The following DOCK8 variants were observed in gnomAD, a reference collection of about 807,000 sequenced individuals.
DOCK8 encodes the protein dedicator of cytokinesis protein 8.
Under a neutral mutation model 245.6 loss-of-function variants are expected in DOCK8, and 141 were observed. That is an observed-to-expected ratio of 0.57 (90% CI 0.50 to 0.66). The LOEUF (loss-of-function observed/expected upper bound fraction) is 0.66, where lower values mean the gene tolerates loss of function less well. Among genes scored for constraint, DOCK8 ranks in the 30% least tolerant of loss-of-function variants. The probability of loss-of-function intolerance (pLI) is 0.00; values close to 1 mark genes in which losing one functional copy is unlikely to be tolerated. For synonymous variants in DOCK8, 1,168 were observed against 970.2 expected, an observed-to-expected ratio of 1.20 and a Z score of -3.79; for missense variants, 2,965 against 2,603.4, an observed-to-expected ratio of 1.14 and a Z score of -3.02.
intron 1 of DOCK8, among the ~76,000 whole-genome samples, chr9:265,283 G>T (rs2048011533): frequency 6.6e-6 from 1 of 152,134 alleles, no homozygotes; most frequent in Admixed American, 6.6e-5. Flanking sequence ...TGTAACTTAG[G>T]AAGTTTGGGG....
chr9:404,829 G>A, intron 26 of DOCK8, 89 bp from the exon 27 acceptor site: 2 of 1,415,908 alleles, frequency 1.4e-6, no homozygotes, highest in Non-Finnish European at 2.0e-6. Context: ...GCCTTAACCT[G>A]GAGAGAAAGG....
chr9:457,174 G>C (rs1164604447), intron 46 of DOCK8: 1 of 152,238 alleles, frequency 6.6e-6, no homozygotes, highest in Non-Finnish European at 1.5e-5. Flanking sequence ...CTTATAGCTG[G>C]AAATGGGGAA....
chr9:378,722 G>C (rs1437017798), intron 20 of DOCK8, among the ~76,000 whole-genome samples: 2 of 152,232 alleles, frequency 1.3e-5, no homozygotes, highest in Admixed American at 1.3e-4. Flanking sequence ...TTGCCACCTT[G>C]TGGTGTGAGG....
At chr9:263,378 T>C (rs1217780817) in intron 1 of DOCK8, among the ~76,000 whole-genome samples, 1 of 152,208 alleles carries the variant, frequency 6.6e-6, no homozygotes, top group Non-Finnish European at 1.5e-5. Flanking sequence ...TCCCAGATGA[T>C]ATAATATGGG....
chr9:333,380 T>C (rs1178040992), intron 10 of DOCK8, among the ~76,000 whole-genome samples: 1 of 152,186 alleles, frequency 6.6e-6, no homozygotes, highest in Non-Finnish European at 1.5e-5. Context: ...GGCGGGCAGA[T>C]CATGAGGTCA....
chr9:348,142 T>C (rs1336202426), intron 14 of DOCK8, among the ~76,000 whole-genome samples: 1 of 152,152 alleles, frequency 6.6e-6, no homozygotes, highest in Non-Finnish European at 1.5e-5. Context: ...CATCTGGCAT[T>C]TTTTTGGAAG....
chr9:398,364 C>G (rs932919765), intron 25 of DOCK8, among the ~76,000 whole-genome samples: 3 of 152,128 alleles, frequency 2.0e-5, no homozygotes, highest in Non-Finnish European at 4.4e-5. Context: ...GTCAGCATGG[C>G]CTGAATTTGC....
At position 442,022 on chromosome 9, in the gene DOCK8, A is replaced by T. The variant is rs1564073868; in HGVS notation, c.5490+13A>T. ...ACATAGACTAGAGGTAAGAAAAGTG[A>T]TTCTGTGCGCCTGACCTGGTACACT... On this transcript the variant is annotated intron_variant, in intron 42 of 47. Coordinates refer to ENST00000432829, the MANE Select transcript of DOCK8 (RefSeq NM_203447.4). 2.5e-6 allele frequency: 4 copies of T among 1,613,832 alleles called. No homozygotes were observed. The East Asian group carries it at 6.7e-5, about 27-fold the overall frequency.
intron 1 of DOCK8, among the ~76,000 whole-genome samples, chr9:248,198 C>T (rs1193559912): frequency 6.6e-6 from 1 of 152,208 alleles, no homozygotes; most frequent in African/African-American, 2.4e-5. Flanking sequence ...GGGCTTTGCC[C>T]CTCAAGCACC....
chr9:452,890 T>C (rs1332382330), intron 46 of DOCK8: 1 of 152,214 alleles, frequency 6.6e-6, no homozygotes, highest in African/African-American at 2.4e-5. Flanking sequence ...TACAGACAGA[T>C]ATATTGGGTC....
At position 426,879 on chromosome 9, in the gene DOCK8, T is replaced by C. The variant is rs2056522015; in HGVS notation, c.4242-6T>C. ...CGCTTTAATTTGACCTCTTGTTGTT[T>C]CCTAGAACAAAGGCCGAGTTAGATC... On this transcript the variant is annotated splice_polypyrimidine_tract_variant and splice_region_variant and intron_variant, in intron 33 of 47. Coordinates refer to ENST00000432829, the MANE Select transcript of DOCK8 (RefSeq NM_203447.4). The C allele has an allele frequency of 1.9e-6, 3 of 1,613,916 alleles. No homozygotes were observed. The highest frequency in any genetic ancestry group is 2.5e-6 in the Non-Finnish European group (3 of 1,179,878).
At chr9:360,941 C>A (rs985109714) in intron 14 of DOCK8, among the ~76,000 whole-genome samples, 3 of 152,166 alleles carry the variant, frequency 2.0e-5, no homozygotes, top group Admixed American at 1.3e-4. Flanking sequence ...ATGAGGACCA[C>A]TTGAGCCCAG....
At chr9:422,213 A>C in intron 33 of DOCK8, 78 bp downstream of exon 33, 1 of 1,151,768 alleles carries the variant, frequency 8.7e-7, no homozygotes, top group Non-Finnish European at 1.3e-6. Flanking sequence ...TATTACTGAA[A>C]CAACTGCATC....
rs189408875 is a variant in DOCK8, at chr9:408,086, A to G, written c.3530+1017A>G. On this transcript the variant is annotated intron_variant, in intron 28 of 47. Transcript: ENST00000432829. Reference sequence around the variant, plus strand: ...CAGGGAACCTGTTCCCATGACTCCTATGCTAAAGAGGTTTCCAGAATAATG... The same window carrying G: ...CAGGGAACCTGTTCCCATGACTCCTGTGCTAAAGAGGTTTCCAGAATAATG... 1.0e-3 allele frequency among the ~76,000 whole-genome samples: 158 copies of G among 152,330 alleles called. 1 individual carries two copies. Among genetic ancestry groups the G allele is most frequent in the African/African-American group, 3.5e-3 (144 of 41,574 alleles).
intron 28 of DOCK8, among the ~76,000 whole-genome samples, chr9:410,928 A>C (rs1447460558): frequency 2.0e-5 from 3 of 152,236 alleles, no homozygotes; most frequent in Non-Finnish European, 2.9e-5. Flanking sequence ...AAAAAGGATT[A>C]TAAAAGAATA....
At chr9:270,315 C>G (rs1010839960) in intron 1 of DOCK8, among the ~76,000 whole-genome samples, 3 of 152,236 alleles carry the variant, frequency 2.0e-5, no homozygotes, top group Non-Finnish European at 4.4e-5. Context: ...CAGTCTTATT[C>G]TTCCAATCTT....
intron 1 of DOCK8, among the ~76,000 whole-genome samples, chr9:247,275 C>T (rs2047527533): frequency 6.6e-6 from 1 of 152,060 alleles, no homozygotes. Flanking sequence ...GCTTTAAAGT[C>T]AATTGGGGAA....
In DOCK8 at chr9:216,537, C is replaced by CAAAAAAAAAAAAAAAAAAAAAA. The variant is rs59529982; in HGVS notation, c.53+1526_53+1527insAAAAAAAAAAAAAAAAAAAAAA. ...GTGAAACCTTGTCTCAAAAAACAGA[C>CAAAAAAAAAAAAAAAAAAAAAA]AAAAAAAAAAAAAAAAAAGCAAAAA... On this transcript the variant is annotated intron_variant, in intron 1 of 47. Coordinates refer to ENST00000432829, the MANE Select transcript of DOCK8 (RefSeq NM_203447.4). Among the ~76,000 whole-genome samples, 98 of 88,870 alleles carry CAAAAAAAAAAAAAAAAAAAAAA rather than the reference C, an allele frequency of 1.1e-3. 1 individual carries two copies. The highest frequency in any genetic ancestry group is 6.3e-3 in the Middle Eastern group (1 of 158). The allele number at this position is 88,870 out of a possible 152,430, so 58.3% of individuals were successfully genotyped here. A position where few individuals can be genotyped will look rare whatever the true frequency, so the allele number is the denominator to read the frequency against.
At chr9:392,877 C>T (rs550953795) in intron 24 of DOCK8, among the ~76,000 whole-genome samples, 3 of 151,906 alleles carry the variant, frequency 2.0e-5, no homozygotes, top group South Asian at 2.1e-4. Context: ...ACATCCCACC[C>T]ACCATCATGT....
Sources: gnomAD v4.1 joint callset for allele counts (sites outside exome capture counted in the v4.1 genomes callset) on GRCh38, gnomAD v4.1.1 for gene constraint, MANE v1.5 for transcripts, NCBI Gene and HGNC (gene_info 2026-07-23, HGNC 2026-07-21) for gene names.